The following SECISBP2L variants were observed in gnomAD, a reference collection of about 807,000 sequenced individuals.
SECISBP2L encodes selenocysteine insertion sequence-binding protein 2-like.
SECISBP2L carries 43 observed loss-of-function variants against 114.7 expected under a neutral mutation model. The ratio of observed to expected loss-of-function variants is 0.38; its 90% CI spans 0.29 to 0.48. SECISBP2L has a LOEUF of 0.48. Ranked by LOEUF, SECISBP2L falls within the 20% of genes least tolerant of loss-of-function variation. The probability of loss-of-function intolerance (pLI) is 0.98; values close to 1 mark genes in which losing one functional copy is unlikely to be tolerated. For synonymous variants in SECISBP2L, 451 were observed against 439.7 expected, an observed-to-expected ratio of 1.03 and a Z score of -0.32; for missense variants, 1,136 against 1,301.1, an observed-to-expected ratio of 0.87 and a Z score of 1.95.
chr15:49,042,765 T>A (rs1424261385), intron 1 of SECISBP2L: 1 of 152,308 alleles, frequency 6.6e-6, no homozygotes, highest in Non-Finnish European at 1.5e-5. Context: ...GTGCAGTGGC[T>A]CAGCCTGTAA....
chr15:49,026,231 G>A (rs537250379), intron 7 of SECISBP2L, among the ~76,000 whole-genome samples: 2 of 152,294 alleles, frequency 1.3e-5, no homozygotes, highest in Admixed American at 6.5e-5. Context: ...AGGGTTGAGG[G>A]AGAGGGATAG....
chr15:49,017,959 G>GT (rs1312383916), intron 8 of SECISBP2L, among the ~76,000 whole-genome samples: 6 of 152,104 alleles, frequency 3.9e-5, no homozygotes, highest in Admixed American at 2.6e-4. Context: ...TTGAGAAAGT[G>GT]TTTAACAGAC....
At chr15:49,034,670 T>TTTTTTTG (rs955717206) in intron 3 of SECISBP2L, among the ~76,000 whole-genome samples, 5 of 14,392 alleles carry the variant, frequency 3.5e-4, no homozygotes, top group Non-Finnish European at 1.2e-3. Flanking sequence ...ATATCTTTTG[T>TTTTTTTG]TTTTTTTTTT....
chr15:48,993,297 T>C lies in SECISBP2L; in HGVS notation c.2624-371A>G, dbSNP rs1018883937. ...GCCACTGTGCCCAACCTAATTTAAA[T>C]GTTATAAAGGGAAAATAATTCCCAA... On this transcript the variant is annotated intron_variant, in intron 17 of 17. Coordinates refer to ENST00000559471, the MANE Select transcript of SECISBP2L (RefSeq NM_001193489.2). Among the ~76,000 whole-genome samples, 10 of 152,022 alleles carry C rather than the reference T, an allele frequency of 6.6e-5. No individual in the cohort carries two copies. In the East Asian group the frequency reaches 1.2e-3, roughly 18 times the overall value.
chr15:49,007,118 C>T (rs1352604450), intron 14 of SECISBP2L, among the ~76,000 whole-genome samples: 1 of 152,182 alleles, frequency 6.6e-6, no homozygotes, highest in Admixed American at 6.5e-5. Flanking sequence ...TGGGTATCAC[C>T]AGCGGAGGCT....
At position 49,000,999 on chromosome 15, in the gene SECISBP2L, G is replaced by A. The variant is rs951355300; in HGVS notation, c.2126C>T (p.Pro709Leu). Residue 709 changes from proline to leucine, a missense_variant, in exon 15 of 18, where the codon CCT (proline) becomes CTT (leucine). Coordinates refer to ENST00000559471, the MANE Select transcript of SECISBP2L (RefSeq NM_001193489.2). ...TCGTCTCCTTGCTTTTGCTCTTACAGGATCTTTTTGGTAGATGCGTTCCTG... is the reference window on the plus strand; with the variant it reads ...TCGTCTCCTTGCTTTTGCTCTTACAAGATCTTTTTGGTAGATGCGTTCCTG... ...SFQERIYQKD[P>L]VRAKARRRLV... The A allele has an allele frequency of 1.9e-6, 3 of 1,613,560 alleles. No individual in the cohort carries two copies. Among genetic ancestry groups the A allele is most frequent in the Non-Finnish European group, 2.5e-6 (3 of 1,179,838 alleles).
At chr15:48,998,905 C>A (rs1040127256) in intron 16 of SECISBP2L, among the ~76,000 whole-genome samples, 3 of 152,138 alleles carry the variant, frequency 2.0e-5, no homozygotes, top group African/African-American at 7.2e-5. Flanking sequence ...ACATATATTG[C>A]CTGCTTATAC....
intron 13 of SECISBP2L, 61 bp from the exon 14 acceptor site, chr15:49,009,439 G>A (rs753176229): frequency 1.2e-5 from 18 of 1,510,860 alleles, no homozygotes; most frequent in Admixed American, 4.0e-5. Context: ...AAAGTTCTAC[G>A]TTGATCAATG....
At position 48,997,566 on chromosome 15, in the gene SECISBP2L, C is replaced by A. The variant is rs79741050; in HGVS notation, c.2404-980G>T. On this transcript the variant is annotated intron_variant, in intron 16 of 17. Coordinates refer to ENST00000559471, the MANE Select transcript of SECISBP2L (RefSeq NM_001193489.2). ...TCCGTGAAGTGGTAGGTACACTGAG[C>A]ATATTCACATCTAATGAGATGGCAA... 1.8e-4 allele frequency among the ~76,000 whole-genome samples: 28 copies of A among 152,276 alleles called. 1 individual carries two copies. The East Asian group carries it at 5.2e-3, about 28-fold the overall frequency.
At chr15:49,045,015 T>G (rs991701222) in intron 1 of SECISBP2L, among the ~76,000 whole-genome samples, 20 of 152,264 alleles carry the variant, frequency 1.3e-4, no homozygotes, top group African/African-American at 4.8e-4. Flanking sequence ...TTCAAAAATG[T>G]TTTTAAATTA....
chr15:49,035,268 T>C, intron 3 of SECISBP2L, 66 bp downstream of exon 3: 3 of 1,425,598 alleles, frequency 2.1e-6, no homozygotes, highest in Non-Finnish European at 1.9e-6. Context: ...TCAACCCAAG[T>C]AGCAAATTGC....
At chr15:49,034,301 C>T (rs1902959256) in intron 3 of SECISBP2L, among the ~76,000 whole-genome samples, 1 of 152,134 alleles carries the variant, frequency 6.6e-6, no homozygotes, top group Non-Finnish European at 1.5e-5. Context: ...ACTAGAAACA[C>T]ATTCTTTCTT....
intron 12 of SECISBP2L, 134 bp from the exon 13 acceptor site, chr15:49,011,997 A>C: frequency 1.1e-6 from 1 of 907,260 alleles, no homozygotes; most frequent in South Asian, 1.9e-5. Context: ...ACTGGCAAAA[A>C]GGCAAATGTA....
intron 14 of SECISBP2L, among the ~76,000 whole-genome samples, chr15:49,004,900 A>G (rs1265839602): frequency 1.3e-5 from 2 of 152,206 alleles, no homozygotes; most frequent in Non-Finnish European, 2.9e-5. Flanking sequence ...AGAAGAATGT[A>G]TATTCTGTGA....
rs542390331 is a variant in SECISBP2L at position 49,016,605 on chromosome 15, T to C, written c.1516A>G (p.Met506Val). ...GTGTTAGTAATTTGCCGTGCTTTCA[T>C]TGCTTGCTGTTGTTTTTCCAGAGCA... Reference protein sequence around the residue: ...LAALEKQQQAMKARQITNTRP... With the variant: ...LAALEKQQQAVKARQITNTRP... The change falls in exon 11 of 18, where the codon ATG becomes GTG. Residue 506 changes from methionine to valine, a missense_variant. This residue lies in a region of SECISBP2L where 684 missense variants were observed against 848.7 expected (regional missense o/e 0.81). Transcript: ENST00000559471. The C allele has an allele frequency of 6.2e-6, 10 of 1,610,634 alleles. No individual in the cohort carries two copies. The highest frequency in any genetic ancestry group is 5.5e-5 in the South Asian group (5 of 90,342).
intron 11 of SECISBP2L, among the ~76,000 whole-genome samples, chr15:49,016,251 G>C (rs931022773): frequency 1.3e-5 from 2 of 152,144 alleles, no homozygotes; most frequent in Non-Finnish European, 2.9e-5. Flanking sequence ...ACTCAGTCTA[G>C]TATGATACAA....
rs564886687 is a variant in SECISBP2L, at chr15:49,044,500, T to A, written c.24+1776A>T. 2.6e-5 allele frequency among the ~76,000 whole-genome samples: 4 copies of A among 152,280 alleles called. No homozygotes were observed. The South Asian group carries it at 6.2e-4, about 24-fold the overall frequency. ...CTGAATTAACTGCCTATCGCATAAA[T>A]GAGGTGAAGACATCACTTTTCTATA... On this transcript the variant is annotated intron_variant, in intron 1 of 17. Transcript: ENST00000559471.
chr15:49,002,878 T>C (rs1337978734), intron 14 of SECISBP2L, among the ~76,000 whole-genome samples: 1 of 152,206 alleles, frequency 6.6e-6, no homozygotes, highest in Non-Finnish European at 1.5e-5. Flanking sequence ...TGAAGTCAGG[T>C]AGTGTAATGC....
At position 48,990,998 on chromosome 15, in the gene SECISBP2L, TTTA is replaced by T. The variant is rs1324386917; in HGVS notation, c.*1243_*1245del. On this transcript the variant is annotated 3_prime_UTR_variant, in exon 18 of 18. Transcript: ENST00000559471. ...ACTAGCAAATAAAACATTTAGCTCA[TTTA>T]TTGTCTCCTAAGCAGGTATACAAAC... The T allele has an allele frequency of 6.6e-6, 1 of 152,174 alleles. No individual in the cohort carries two copies. The highest frequency in any genetic ancestry group is 1.5e-5 in the Non-Finnish European group (1 of 68,032). The allele number at this position is 152,174 out of a possible 1,614,324, so 9.4% of individuals were successfully genotyped here.
Sources: allele counts gnomAD v4.1 joint callset (sites outside exome capture counted in the v4.1 genomes callset), GRCh38; gene constraint gnomAD v4.1.1; regional missense constraint gnomAD v4.1.1; transcripts MANE v1.5; gene names NCBI Gene and HGNC (gene_info 2026-07-23, HGNC 2026-07-21).